Variants in CLNK observed in about 807,000 individuals in gnomAD.
The protein encoded by CLNK is cytokine-dependent hematopoietic cell linker.
A neutral mutation model predicts 68.6 loss-of-function variants in CLNK; 74 were observed. The observed-to-expected ratio is 1.08, with a 90% CI of 0.89 to 1.31. The LOEUF (loss-of-function observed/expected upper bound fraction) is 1.31, where lower values mean the gene tolerates loss of function less well. Ranked by LOEUF, CLNK falls within the 50% of genes most tolerant of loss-of-function variation. The pLI is 0.00. For missense variants in CLNK, 553 were observed against 515.3 expected, an observed-to-expected ratio of 1.07 and a Z score of -0.71; for synonymous variants, 198 against 172.2, an observed-to-expected ratio of 1.15 and a Z score of -1.17.
intron 3 of CLNK, among the ~76,000 whole-genome samples, chr4:10,593,909 A>G (rs944064924): frequency 5.9e-5 from 9 of 152,208 alleles, no homozygotes; most frequent in Non-Finnish European, 8.8e-5. Flanking sequence ...AAGGATGGAA[A>G]GGAGACTAGT....
chr4:10,540,744 A>C lies in CLNK; in HGVS notation c.492-140T>G, dbSNP rs1219844393. 3 of 631,366 alleles carry C rather than the reference A, an allele frequency of 4.8e-6. No individual in the cohort carries two copies. The African/African-American group carries it at 5.5e-5, about 12-fold the overall frequency. The allele number at this position is 631,366 out of a possible 1,614,324, so 39.1% of individuals were successfully genotyped here. On this transcript the variant is annotated intron_variant, in intron 10 of 18. Transcript: ENST00000226951. Reference sequence around the variant, plus strand: ...AGTTTTTGGATGCTAACTGCGGAGCAGACCGATCTGGTCTGGCACTGTTTT... The same window carrying C: ...AGTTTTTGGATGCTAACTGCGGAGCCGACCGATCTGGTCTGGCACTGTTTT...
rs1721268246 is a variant in CLNK at position 10,593,516 on chromosome 4, TG to T, written c.83+4461del. Among the ~76,000 whole-genome samples the T allele has an allele frequency of 2.0e-5, 3 of 152,000 alleles. No individual in the cohort carries two copies. The South Asian group carries it at 6.2e-4, about 32-fold the overall frequency. ...CTAAAAATACAAAACTTGCTGGGCG[TG>T]GTGGCAGGCAGCTGTAATCCCAGCT... On this transcript the variant is annotated intron_variant, in intron 3 of 18. Coordinates refer to ENST00000226951, the MANE Select transcript of CLNK (RefSeq NM_052964.4).
upstream of CLNK, among the ~76,000 whole-genome samples, chr4:10,689,744 C>CTTTTTTTTTTTTTTTT (rs1560280654): frequency 6.3e-4 from 17 of 26,884 alleles, no homozygotes; most frequent in Non-Finnish European, 1.2e-3. Flanking sequence ...AAAACCCATG[C>CTTTTTTTTTTTTTTTT]ATTTTTTTTT....
chr4:10,555,282 A>G lies in CLNK; in HGVS notation c.445+3125T>C, dbSNP rs139458731. Among the ~76,000 whole-genome samples, 662 of 152,270 alleles carry G rather than the reference A, an allele frequency of 4.3e-3. 4 individuals carry two copies. The highest frequency in any genetic ancestry group is 5.6e-3 in the Non-Finnish European group (379 of 68,010). ...TGTATATGGTATGCTTGTCACCTCA[A>G]AGGAAATTGGCTTAGAGTTTGTGTT... is the stretch of plus-strand genomic sequence containing the variant. On this transcript the variant is annotated intron_variant, in intron 8 of 18. Transcript: ENST00000226951.
At chr4:10,621,089 C>T (rs751558066) in intron 2 of CLNK, among the ~76,000 whole-genome samples, 9 of 152,144 alleles carry the variant, frequency 5.9e-5, no homozygotes, top group Non-Finnish European at 1.0e-4. Context: ...GAGCGAGACT[C>T]CGTCTCGAAA....
intron 8 of CLNK, among the ~76,000 whole-genome samples, chr4:10,553,051 A>AGGG (rs11404268): frequency 4.0e-5 from 6 of 151,292 alleles, no homozygotes; most frequent in African/African-American, 1.5e-4. Context: ...CAGGAAGAGG[A>AGGG]GGGGGGGGCA....
intron 15 of CLNK, chr4:10,517,312 G>A (rs1043072515): frequency 1.3e-5 from 2 of 152,028 alleles, no homozygotes; most frequent in Admixed American, 1.3e-4. Context: ...TACAAAGTAG[G>A]ACAAATAGGA....
chr4:10,585,748 T>A (rs1473806954), intron 3 of CLNK, among the ~76,000 whole-genome samples: 2 of 152,214 alleles, frequency 1.3e-5, no homozygotes, highest in Non-Finnish European at 2.9e-5. Context: ...GCCCAGGAGT[T>A]CACGTCCAAC....
At chr4:10,573,416 A>G (rs538897845) in intron 4 of CLNK, among the ~76,000 whole-genome samples, 15 of 152,292 alleles carry the variant, frequency 9.8e-5, no homozygotes, top group Non-Finnish European at 1.5e-4. Context: ...TTGGGGTTGG[A>G]TAGCAGCTCT....
chr4:10,571,994 G>T (rs558276678), intron 4 of CLNK, among the ~76,000 whole-genome samples: 1 of 152,346 alleles, frequency 6.6e-6, no homozygotes, highest in South Asian at 2.1e-4. Flanking sequence ...AAAGGAAGCA[G>T]AATTCAAATC....
intron 2 of CLNK, among the ~76,000 whole-genome samples, chr4:10,667,517 G>GA (rs1724446948): frequency 6.6e-6 from 1 of 151,910 alleles, no homozygotes; most frequent in Non-Finnish European, 1.5e-5. Flanking sequence ...TCTCCTGTGG[G>GA]AAAAAGCACA....
At chr4:10,665,108 C>T (rs958227083) in intron 2 of CLNK, among the ~76,000 whole-genome samples, 7 of 152,170 alleles carry the variant, frequency 4.6e-5, no homozygotes, top group African/African-American at 1.7e-4. Context: ...TGTGAAGGCT[C>T]CCCGTGGACT....
At chr4:10,604,347 T>C (rs1365809174) in intron 2 of CLNK, among the ~76,000 whole-genome samples, 1 of 152,248 alleles carries the variant, frequency 6.6e-6, no homozygotes, top group Non-Finnish European at 1.5e-5. Flanking sequence ...ATGTCCATTT[T>C]GTTCATTCCA....
At chr4:10,594,736 ATATACT>A (rs1266495742) in intron 3 of CLNK, among the ~76,000 whole-genome samples, 1 of 152,258 alleles carries the variant, frequency 6.6e-6, no homozygotes, top group Non-Finnish European at 1.5e-5. Flanking sequence ...ATATGCTGAC[ATATACT>A]TATAAATAAG....
At chr4:10,626,711 A>T (rs1271457155) in intron 2 of CLNK, among the ~76,000 whole-genome samples, 1 of 152,240 alleles carries the variant, frequency 6.6e-6, no homozygotes, top group East Asian at 1.9e-4. Flanking sequence ...TACCTCCATG[A>T]AATCATATTT....
At chr4:10,694,410 C>T in the CLNK span, among the ~76,000 whole-genome samples, 7 of 151,952 alleles carry the variant, frequency 4.6e-5, no homozygotes, top group African/African-American at 1.5e-4. Context: ...CTGTTTTAGT[C>T]AATGATGGAC....
rs542194572 is a variant in CLNK at position 10,631,948 on chromosome 4, T to A, written c.12-33899A>T. Among the ~76,000 whole-genome samples the A allele has an allele frequency of 5.9e-5, 9 of 152,312 alleles. No homozygotes were observed. The South Asian group carries it at 1.9e-3, about 32-fold the overall frequency. On this transcript the variant is annotated intron_variant, in intron 2 of 18. Coordinates refer to ENST00000226951, the MANE Select transcript of CLNK (RefSeq NM_052964.4). Reference sequence around the variant, plus strand: ...TTTTATTTAAACACCTACCCCTGTTTCTGAAATAGAAGGCTCAAGGTGCGC... The same window carrying A: ...TTTTATTTAAACACCTACCCCTGTTACTGAAATAGAAGGCTCAAGGTGCGC...
intron 18 of CLNK, among the ~76,000 whole-genome samples, chr4:10,496,560 G>A (rs1185778632): frequency 6.6e-6 from 1 of 152,210 alleles, no homozygotes; most frequent in Non-Finnish European, 1.5e-5. Flanking sequence ...CTCCAAGTAA[G>A]TGTTAACTAT....
At chr4:10,605,825 CA>C (rs59881800) in intron 2 of CLNK, among the ~76,000 whole-genome samples, 1,828 of 100,308 alleles carry the variant, frequency 0.018, 33 homozygotes, top group African/African-American at 0.063. Flanking sequence ...AGACTCTGTC[CA>C]AAAAAAAAAA....
Sources: allele counts gnomAD v4.1 joint callset (sites outside exome capture counted in the v4.1 genomes callset), GRCh38; gene constraint gnomAD v4.1.1; transcripts MANE v1.5; gene names NCBI Gene and HGNC (gene_info 2026-07-23, HGNC 2026-07-21).